The following FABP7 variants were observed in gnomAD, a reference collection of about 807,000 sequenced individuals.
The protein encoded by FABP7 is fatty acid-binding protein, brain.
Under a neutral mutation model 14.2 loss-of-function variants are expected in FABP7, and 13 were observed. The observed-to-expected ratio is 0.91, with a 90% CI of 0.59 to 1.45. FABP7 has a LOEUF of 1.45. Ranked by LOEUF, FABP7 falls within the 40% of genes most tolerant of loss-of-function variation. The pLI, the probability that FABP7 is intolerant of heterozygous loss-of-function variation, is 0.00. For synonymous variants in FABP7, 49 were observed against 51.4 expected, an observed-to-expected ratio of 0.95 and a Z score of 0.20; for missense variants, 149 against 157.6, an observed-to-expected ratio of 0.95 and a Z score of 0.29.
At chr6:122,770,726 A>T in the FABP7 span, among the ~76,000 whole-genome samples, 1 of 152,152 alleles carries the variant, frequency 6.6e-6, no homozygotes. Flanking sequence ...ATGATCTTCC[A>T]GTTTTAGATA....
intron 3 of FABP7, chr6:122,783,129 T>C (rs938478046): frequency 1.0e-6 from 1 of 985,294 alleles, no homozygotes; most frequent in African/African-American, 1.7e-5. Context: ...TTATAATAAC[T>C]CTTCAAGTTA....
the FABP7 span, among the ~76,000 whole-genome samples, chr6:122,769,714 G>A: frequency 2.0e-5 from 3 of 151,980 alleles, no homozygotes; most frequent in African/African-American, 2.4e-5. Flanking sequence ...CTTGAGTCTC[G>A]AATGGAGACT....
upstream of FABP7, among the ~76,000 whole-genome samples, chr6:122,779,318 G>C (rs1780723674): frequency 6.6e-6 from 1 of 152,156 alleles, no homozygotes; most frequent in Non-Finnish European, 1.5e-5. Context: ...GACCAGCTTT[G>C]TCATTAACGG....
chr6:122,767,829 C>A, the FABP7 span, among the ~76,000 whole-genome samples: 1 of 150,394 alleles, frequency 6.6e-6, no homozygotes, highest in East Asian at 1.9e-4. Flanking sequence ...ATCTTTTGGA[C>A]CTTGGGTAGG....
chr6:122,765,719 C>T, the FABP7 span, among the ~76,000 whole-genome samples: 1 of 151,376 alleles, frequency 6.6e-6, no homozygotes, highest in Admixed American at 6.6e-5. Context: ...TTAATTTTAG[C>T]CTCCCCACCT....
chr6:122,781,059 A>G, intron 2 of FABP7, 34 bp from the exon 3 acceptor site: 1 of 1,578,646 alleles, frequency 6.3e-7, no homozygotes, highest in Non-Finnish European at 8.6e-7. Flanking sequence ...AATTGTATTT[A>G]TTGCTATGTT....
chr6:122,749,512 G>A, the FABP7 span, among the ~76,000 whole-genome samples: 5 of 151,966 alleles, frequency 3.3e-5, no homozygotes, highest in Non-Finnish European at 7.4e-5. Context: ...GTTTCTTAAG[G>A]TCCGATGCTC....
At chr6:122,752,599 G>A in the FABP7 span, among the ~76,000 whole-genome samples, 1 of 152,180 alleles carries the variant, frequency 6.6e-6, no homozygotes, top group Non-Finnish European at 1.5e-5. Context: ...TCTTGCATAA[G>A]GGGTGAAGAG....
At chr6:122,768,925 G>T in the FABP7 span, among the ~76,000 whole-genome samples, 1 of 152,002 alleles carries the variant, frequency 6.6e-6, no homozygotes, top group Non-Finnish European at 1.5e-5. Flanking sequence ...AAGGAATGAG[G>T]ATATCACCAT....
At chr6:122,775,486 T>A (rs1780656255), upstream of FABP7, among the ~76,000 whole-genome samples, 1 of 152,056 alleles carries the variant, frequency 6.6e-6, no homozygotes, top group African/African-American at 2.4e-5. Flanking sequence ...TAGACCCCTA[T>A]CTCTCACTGT....
the FABP7 span, among the ~76,000 whole-genome samples, chr6:122,764,484 A>G: frequency 2.0e-5 from 3 of 152,112 alleles, no homozygotes; most frequent in Non-Finnish European, 2.9e-5. Flanking sequence ...ACATGTATAC[A>G]TATGTAACAA....
In FABP7 at chr6:122,780,334, A is replaced by G. The variant is rs549219357; in HGVS notation, c.117A>G (p.Pro39=). Residue 39 remains proline, a synonymous_variant, in exon 2 of 4, where the codon CCA becomes CCG. Coordinates refer to ENST00000368444, the MANE Select transcript of FABP7 (RefSeq NM_001446.5). ...ATRQVGNVTK[P]TVIISQEGDK... ...GGCAGGTGGGAAATGTGACCAAACC[A>G]ACGGTAATTATCAGTCAAGAAGGAG... The G allele has an allele frequency of 1.9e-6, 3 of 1,614,140 alleles. No individual in the cohort carries two copies. Among genetic ancestry groups the G allele is most frequent in the East Asian group, 4.5e-5 (2 of 44,866 alleles).
chr6:122,774,359 C>CAAAAAAAA, the FABP7 span, among the ~76,000 whole-genome samples: 6 of 66,636 alleles, frequency 9.0e-5, no homozygotes, highest in East Asian at 5.1e-4. Flanking sequence ...TAGACTCTGT[C>CAAAAAAAA]AAAAAAAAAA....
At chr6:122,776,342 T>C (rs1034076117), upstream of FABP7, among the ~76,000 whole-genome samples, 2 of 152,006 alleles carry the variant, frequency 1.3e-5, no homozygotes, top group Non-Finnish European at 2.9e-5. Flanking sequence ...TATTCAGCCA[T>C]AAAAAAGGAA....
chr6:122,782,787 CT>C (rs1299761843), intron 3 of FABP7: 1 of 985,200 alleles, frequency 1.0e-6, no homozygotes, highest in African/African-American at 1.7e-5. Flanking sequence ...ATTCATGTTT[CT>C]GTGGAGATGG....
In FABP7 at chr6:122,780,371, A is replaced by T. The variant is rs1274979176; in HGVS notation, c.154A>T (p.Ile52Phe). The T allele has an allele frequency of 3.1e-6, 5 of 1,614,212 alleles. No individual in the cohort carries two copies. Among genetic ancestry groups the T allele is most frequent in the East Asian group, 4.5e-5 (2 of 44,862 alleles). ...IISQEGDKVVIRTLSTFKNTE... is the reference protein window; with the variant it reads ...IISQEGDKVVFRTLSTFKNTE... Reference sequence around the variant, plus strand: ...CAGTCAAGAAGGAGACAAAGTGGTCATCAGGACTCTCAGCACATTCAAGAA... The same window carrying T: ...CAGTCAAGAAGGAGACAAAGTGGTCTTCAGGACTCTCAGCACATTCAAGAA... Residue 52 changes from isoleucine to phenylalanine, a missense_variant, in exon 2 of 4, where the codon ATC (isoleucine) becomes TTC (phenylalanine). Transcript: ENST00000368444.
the FABP7 span, among the ~76,000 whole-genome samples, chr6:122,766,392 C>T: frequency 6.6e-6 from 1 of 152,198 alleles, no homozygotes; most frequent in African/African-American, 2.4e-5. Flanking sequence ...AGGAACACAG[C>T]TGTAATCACC....
chr6:122,772,555 C>T, the FABP7 span, among the ~76,000 whole-genome samples: 2 of 152,064 alleles, frequency 1.3e-5, no homozygotes, highest in East Asian at 1.9e-4. Context: ...GTAATTAGGA[C>T]TACAGGCATG....
At chr6:122,772,265 G>C in the FABP7 span, among the ~76,000 whole-genome samples, 1 of 151,992 alleles carries the variant, frequency 6.6e-6, no homozygotes, top group African/African-American at 2.4e-5. Context: ...CCCAAAATAT[G>C]CAAAAAGTTC....
Sources: allele counts gnomAD v4.1 joint callset (sites outside exome capture counted in the v4.1 genomes callset), GRCh38; gene constraint gnomAD v4.1.1; transcripts MANE v1.5; gene names NCBI Gene and HGNC (gene_info 2026-07-23, HGNC 2026-07-21).